KLHL1: variants seen among roughly 807,000 people sequenced by gnomAD.
KLHL1 encodes kelch like family member 1.
A neutral mutation model predicts 77.7 loss-of-function variants in KLHL1; 47 were observed. That is an observed-to-expected ratio of 0.60 (90% CI 0.48 to 0.77). KLHL1 has a LOEUF of 0.77. Among genes scored for constraint, KLHL1 ranks in the 30% least tolerant of loss-of-function variants. The pLI, the probability that KLHL1 is intolerant of heterozygous loss-of-function variation, is 0.00. For synonymous variants in KLHL1, 360 were observed against 325.2 expected (o/e 1.11, Z -1.15); for missense variants, 925 against 910.8 (o/e 1.02, Z -0.20).
At chr13:69,771,813 T>C (rs1875582442) in intron 7 of KLHL1, among the ~76,000 whole-genome samples, 1 of 152,144 alleles carries the variant, frequency 6.6e-6, no homozygotes, top group Admixed American at 6.5e-5. Context: ...TGTCTTTTAC[T>C]CTGAAAAAAT....
chr13:70,016,572 G>A (rs1885663187), intron 1 of KLHL1, among the ~76,000 whole-genome samples: 1 of 152,216 alleles, frequency 6.6e-6, no homozygotes, highest in Non-Finnish European at 1.5e-5. Context: ...GTGCTGGCAT[G>A]CCAGCCTCCT....
chr13:69,884,445 A>C (rs953233504), intron 4 of KLHL1, among the ~76,000 whole-genome samples: 1 of 150,336 alleles, frequency 6.7e-6, no homozygotes, highest in East Asian at 1.9e-4. Context: ...AAAAAAAAAA[A>C]ACTACGTGAA....
In KLHL1 at chr13:69,882,423, C is replaced by T. The variant is rs1343880754; in HGVS notation, c.1087G>A (p.Ala363Thr). The change falls in exon 5 of 11, where the codon GCC becomes ACC. Residue 363 changes from alanine (A) to threonine (T), a missense_variant. By Grantham distance (58) the Ala-to-Thr change is moderately conservative (BLOSUM62 0). Transcript: ENST00000377844. ...TCAGGAACATTGACATCATCACTGG[C>T]CAGTAGTTTATGGAGCTCCTCAGCT... ...LPAEELHKLLASDDVNVPDEE... is the reference protein window; with the variant it reads ...LPAEELHKLLTSDDVNVPDEE... 6.2e-7 allele frequency: 1 copy of T among 1,613,612 alleles called. No individual in the cohort carries two copies. The highest frequency in any genetic ancestry group is 8.5e-7 in the Non-Finnish European group (1 of 1,179,704).
In KLHL1 at chr13:70,050,217, A is replaced by T. The variant is rs1253506057; in HGVS notation, c.497+56986T>A. Among the ~76,000 whole-genome samples the T allele has an allele frequency of 4.0e-5, 6 of 151,840 alleles. No homozygotes were observed. The East Asian group carries it at 1.2e-3, about 29-fold the overall frequency. On this transcript the variant is annotated intron_variant, in intron 1 of 10. Transcript: ENST00000377844. ...ATACTTTATATGTCATCAAAAGGAAACCTTTTGATCAAAACTGGCTGTGTT... is the reference window on the plus strand; with the variant it reads ...ATACTTTATATGTCATCAAAAGGAATCCTTTTGATCAAAACTGGCTGTGTT...
chr13:69,769,898 T>G (rs1875480679), intron 7 of KLHL1, among the ~76,000 whole-genome samples: 1 of 152,062 alleles, frequency 6.6e-6, no homozygotes, highest in Admixed American at 6.6e-5. Context: ...TGAAACACAT[T>G]CTTAGCTGGC....
intron 4 of KLHL1, among the ~76,000 whole-genome samples, chr13:69,916,467 A>T (rs1236233141): frequency 2.0e-5 from 3 of 152,074 alleles, no homozygotes; most frequent in Non-Finnish European, 4.4e-5. Context: ...GGAAACCATC[A>T]TTCTCAGCAA....
chr13:69,818,511 G>A (rs1378886124), intron 6 of KLHL1, among the ~76,000 whole-genome samples: 2 of 151,970 alleles, frequency 1.3e-5, no homozygotes, highest in African/African-American at 2.4e-5. Flanking sequence ...GAGCCACCAC[G>A]CCCGGCCAGG....
intron 2 of KLHL1, among the ~76,000 whole-genome samples, chr13:69,964,611 A>G (rs906371540): frequency 2.0e-5 from 3 of 152,144 alleles, no homozygotes; most frequent in African/African-American, 7.2e-5. Context: ...TAGGACTCAG[A>G]TTGCATATAT....
chr13:70,052,777 T>C (rs532572806), intron 1 of KLHL1, among the ~76,000 whole-genome samples: 1 of 151,902 alleles, frequency 6.6e-6, no homozygotes, highest in Non-Finnish European at 1.5e-5. Flanking sequence ...AATTTCAACA[T>C]AATTAGGGGT....
At chr13:69,880,982 C>A (rs1242273272) in intron 5 of KLHL1, among the ~76,000 whole-genome samples, 1 of 152,090 alleles carries the variant, frequency 6.6e-6, no homozygotes, top group Non-Finnish European at 1.5e-5. Context: ...AGATTACCCG[C>A]CCAAACTCTA....
intron 7 of KLHL1, among the ~76,000 whole-genome samples, chr13:69,764,788 T>G (rs1875191066): frequency 6.6e-6 from 1 of 152,018 alleles, no homozygotes; most frequent in Non-Finnish European, 1.5e-5. Flanking sequence ...GGTAATCACA[T>G]GCACATTAAA....
intron 5 of KLHL1, among the ~76,000 whole-genome samples, chr13:69,877,472 TA>T (rs1373766834): frequency 2.7e-5 from 4 of 148,946 alleles, no homozygotes; most frequent in Admixed American, 6.6e-5. Context: ...TATATATATA[TA>T]TTTTTTTTTC....
At chr13:69,916,110 G>A (rs1036119381) in intron 4 of KLHL1, among the ~76,000 whole-genome samples, 29 of 152,214 alleles carry the variant, frequency 1.9e-4, no homozygotes, top group African/African-American at 6.3e-4. Flanking sequence ...GAGAGGTTGT[G>A]GAGAAATAGG....
chr13:69,781,507 C>G (rs940908442), intron 7 of KLHL1, among the ~76,000 whole-genome samples: 2 of 152,082 alleles, frequency 1.3e-5, no homozygotes, highest in Admixed American at 1.3e-4. Flanking sequence ...GATTGATACT[C>G]AAAAGCCTCA....
chr13:69,916,173 T>A (rs1200760701), intron 4 of KLHL1, among the ~76,000 whole-genome samples: 6 of 151,882 alleles, frequency 4.0e-5, no homozygotes, highest in Non-Finnish European at 7.4e-5. Flanking sequence ...ATTGTGGAAG[T>A]CAGTGTGGCG....
intron 1 of KLHL1, among the ~76,000 whole-genome samples, chr13:70,050,833 C>T (rs1222382423): frequency 1.3e-5 from 2 of 151,810 alleles, no homozygotes; most frequent in Admixed American, 1.3e-4. Flanking sequence ...TGACACTTTA[C>T]CATTTTGTAA....
chr13:70,107,289 T>C lies in KLHL1; in HGVS notation c.411A>G (p.Gly137=), dbSNP rs1171353128. 1.2e-6 allele frequency: 2 copies of C among 1,613,980 alleles called. No individual in the cohort carries two copies. Among genetic ancestry groups the C allele is most frequent in the Admixed American group, 3.3e-5 (2 of 59,994 alleles). Residue 137 remains glycine (G), a synonymous_variant, in exon 1 of 11, where the codon GGA becomes GGG. Coordinates refer to ENST00000377844, the MANE Select transcript of KLHL1 (RefSeq NM_020866.3). The stretch of plus-strand genomic sequence containing the variant: ...GCAGAACCAGCCCTTTTTCGTGTGG[T>C]CCAGGAAAGTCCATGCCTGGCACCA... ...EEVVPGMDFP[G]PHEKGLVLQE...
chr13:69,852,788 C>G (rs1338033338), intron 5 of KLHL1, among the ~76,000 whole-genome samples: 3 of 151,914 alleles, frequency 2.0e-5, no homozygotes, highest in African/African-American at 7.2e-5. Flanking sequence ...TTCCACTGGG[C>G]ATATACTTTG....
At chr13:69,781,780 T>TTTAGA (rs1172584073) in intron 7 of KLHL1, among the ~76,000 whole-genome samples, 2 of 152,222 alleles carry the variant, frequency 1.3e-5, no homozygotes, top group African/African-American at 2.4e-5. Flanking sequence ...TGTGTTGTAC[T>TTTAGA]TTAGATTAAT....
Sources: allele counts gnomAD v4.1 joint callset (sites outside exome capture counted in the v4.1 genomes callset), GRCh38; gene constraint gnomAD v4.1.1; transcripts MANE v1.5; gene names NCBI Gene and HGNC (gene_info 2026-07-23, HGNC 2026-07-21).